The following TMTC2 variants were observed in gnomAD, a reference collection of about 807,000 sequenced individuals.
TMTC2 encodes transmembrane O-mannosyltransferase targeting cadherins 2, also known as protein O-mannosyl-transferase TMTC2.
A neutral mutation model predicts 82.4 loss-of-function variants in TMTC2; 43 were observed. The observed-to-expected ratio is 0.52, with a 90% CI of 0.41 to 0.67. The LOEUF (loss-of-function observed/expected upper bound fraction) is 0.67, where lower values mean the gene tolerates loss of function less well. Among genes scored for constraint, TMTC2 ranks in the 30% least tolerant of loss-of-function variants. TMTC2 has a pLI of 0.00. For synonymous variants in TMTC2, 408 were observed against 381.9 expected (o/e 1.07, Z -0.80); for missense variants, 919 against 1,012.4 (o/e 0.91, Z 1.25).
At chr12:82,717,403 A>AT (rs1026162296) in intron 1 of TMTC2, among the ~76,000 whole-genome samples, 3 of 151,412 alleles carry the variant, frequency 2.0e-5, no homozygotes, top group Non-Finnish European at 4.4e-5. Flanking sequence ...TTTTTATTTT[A>AT]TTTTTTTAGT....
chr12:82,998,967 CA>C (rs764512168), intron 8 of TMTC2, among the ~76,000 whole-genome samples: 5 of 152,144 alleles, frequency 3.3e-5, no homozygotes, highest in Admixed American at 6.5e-5. Context: ...CATATTCCCA[CA>C]CTCAGTTTCC....
rs184313446 is a variant in TMTC2 at position 83,003,392 on chromosome 12, G to A, written c.2070+17346G>A. 3.9e-3 allele frequency among the ~76,000 whole-genome samples: 570 copies of A among 147,892 alleles called. 4 individuals carry two copies. The highest frequency in any genetic ancestry group is 0.015 in the African/African-American group (555 of 37,812). The stretch of plus-strand genomic sequence containing the variant: ...TAACTTGCCTTTCTATGCCTCTTAC[G>A]TGGGGGTGTTTAGATCATTTACATT... On this transcript the variant is annotated intron_variant, in intron 8 of 11. Coordinates refer to ENST00000321196, the MANE Select transcript of TMTC2 (RefSeq NM_152588.3).
In TMTC2 at chr12:82,895,662, G is replaced by A. The variant is rs570808825; in HGVS notation, c.655-156G>A. On this transcript the variant is annotated intron_variant, in intron 2 of 11. Transcript: ENST00000321196. ...TTTGGAGATTAAAATTTCTCTAGGCGTGCTTGAAAGGTGATGGACATGAAG... is the reference window on the plus strand; with the variant it reads ...TTTGGAGATTAAAATTTCTCTAGGCATGCTTGAAAGGTGATGGACATGAAG... 7.2e-5 allele frequency among the ~76,000 whole-genome samples: 11 copies of A among 152,236 alleles called. No individual in the cohort carries two copies. In the South Asian group the frequency reaches 1.5e-3, roughly 20 times the overall value.
At chr12:82,902,387 A>T (rs537591830) in intron 3 of TMTC2, among the ~76,000 whole-genome samples, 1 of 152,154 alleles carries the variant, frequency 6.6e-6, no homozygotes, top group African/African-American at 2.4e-5. Context: ...TGCTCCAGGT[A>T]AGCTCTCCTG....
chr12:82,839,387 C>T (rs1183310087), intron 1 of TMTC2, among the ~76,000 whole-genome samples: 1 of 152,070 alleles, frequency 6.6e-6, no homozygotes, highest in Non-Finnish European at 1.5e-5. Flanking sequence ...CACAGGTGAT[C>T]AGATTTCTGA....
intron 3 of TMTC2, among the ~76,000 whole-genome samples, chr12:82,919,712 A>G (rs1592627937): frequency 1.3e-5 from 2 of 152,220 alleles, no homozygotes; most frequent in East Asian, 1.9e-4. Context: ...ACTAGTCCCT[A>G]CTAAATCCAT....
At chr12:83,015,154 A>G (rs560837438) in intron 8 of TMTC2, among the ~76,000 whole-genome samples, 76 of 152,328 alleles carry the variant, frequency 5.0e-4, no homozygotes, top group African/African-American at 1.8e-3. Flanking sequence ...ATTTAGTATC[A>G]TAGATAATCC....
chr12:82,757,777 T>G (rs900052986), intron 1 of TMTC2, among the ~76,000 whole-genome samples: 8 of 152,220 alleles, frequency 5.3e-5, no homozygotes, highest in African/African-American at 1.9e-4. Flanking sequence ...AGTCAGATTT[T>G]ACATCTTGCA....
In TMTC2 at chr12:82,788,114, C is replaced by T. The variant is rs1031870330; in HGVS notation, c.84-68896C>T. Among the ~76,000 whole-genome samples, 9 of 151,834 alleles carry T rather than the reference C, an allele frequency of 5.9e-5. No homozygotes were observed. In the East Asian group the frequency reaches 9.8e-4, roughly 17 times the overall value. ...ACATTTAAATGATTTCCTTACAAAA[C>T]GACTGTAATGGATTTTCTTTAAAAA... On this transcript the variant is annotated intron_variant, in intron 1 of 11. Coordinates refer to ENST00000321196, the MANE Select transcript of TMTC2 (RefSeq NM_152588.3).
chr12:83,045,374 C>T (rs1008707082), intron 9 of TMTC2, among the ~76,000 whole-genome samples: 1 of 152,054 alleles, frequency 6.6e-6, no homozygotes, highest in African/African-American at 2.4e-5. Flanking sequence ...GTAGTAGCAA[C>T]AGTACACACA....
intron 1 of TMTC2, among the ~76,000 whole-genome samples, chr12:82,790,439 TA>T (rs2137021464): frequency 1.3e-5 from 2 of 152,204 alleles, no homozygotes; most frequent in South Asian, 4.1e-4. Flanking sequence ...TAGCATTTTT[TA>T]AAAAACTATT....
chr12:82,860,703 TTCTTTA>T (rs1349796637), intron 2 of TMTC2, among the ~76,000 whole-genome samples: 2 of 152,252 alleles, frequency 1.3e-5, no homozygotes, highest in Admixed American at 6.5e-5. Flanking sequence ...GAAATTTTGA[TTCTTTA>T]TCTTTTGGCC....
chr12:82,746,953 C>T (rs142016809), intron 1 of TMTC2, among the ~76,000 whole-genome samples: 26 of 152,290 alleles, frequency 1.7e-4, no homozygotes, highest in African/African-American at 6.3e-4. Context: ...ATTTGTCCAA[C>T]AACTTGAATG....
Position 82,965,071 on chromosome 12 carries a change from A to G in TMTC2, c.1646A>G (p.Tyr549Cys). 6.2e-7 allele frequency: 1 copy of G among 1,612,632 alleles called. No individual in the cohort carries two copies. The highest frequency in any genetic ancestry group is 1.3e-5 in the African/African-American group (1 of 74,950). The change falls in exon 5 of 12, where the codon TAT (tyrosine) becomes TGT (cysteine). Residue 549 changes from tyrosine to cysteine, a missense_variant. Physicochemically the swap from Tyr to Cys is radical, Grantham distance 194. Transcript: ENST00000321196. ...ENSRFAEALH[Y>C]YKLAIGSRPT... ...AGCAGGTTTGCAGAAGCACTACATTATTATAAATTGGCCATTGGGAGCAGG... is the reference window on the plus strand; with the variant it reads ...AGCAGGTTTGCAGAAGCACTACATTGTTATAAATTGGCCATTGGGAGCAGG...
chr12:82,850,092 G>A (rs1156986005), intron 1 of TMTC2, among the ~76,000 whole-genome samples: 4 of 151,914 alleles, frequency 2.6e-5, no homozygotes, highest in African/African-American at 9.7e-5. Flanking sequence ...CTACCCACGT[G>A]GACTGAGAAT....
chr12:82,895,632 G>T (rs552745295), intron 2 of TMTC2, among the ~76,000 whole-genome samples, 186 bp from the exon 3 acceptor site: 1 of 152,158 alleles, frequency 6.6e-6, no homozygotes, highest in East Asian at 1.9e-4. Flanking sequence ...TCAGATTCAG[G>T]TTTTTTTGGA....
intron 1 of TMTC2, among the ~76,000 whole-genome samples, chr12:82,843,952 G>A (rs987871663): frequency 2.0e-5 from 3 of 151,952 alleles, no homozygotes; most frequent in African/African-American, 7.3e-5. Context: ...GGTCTTGGGA[G>A]GACAAAAAAG....
At chr12:82,897,453 A>T (rs74106176) in intron 3 of TMTC2, among the ~76,000 whole-genome samples, 3,358 of 152,344 alleles carry the variant, frequency 0.022, 122 homozygotes, top group African/African-American at 0.076. Flanking sequence ...ACAATTACAT[A>T]AAAATAGATG....
At chr12:83,098,658 G>T (rs539539551) in intron 11 of TMTC2, among the ~76,000 whole-genome samples, 1 of 152,134 alleles carries the variant, frequency 6.6e-6, no homozygotes, top group East Asian at 1.9e-4. Flanking sequence ...AAGTTTTATC[G>T]GAAACCAGAT....
Sources: gnomAD v4.1 joint callset for allele counts (sites outside exome capture counted in the v4.1 genomes callset) on GRCh38, gnomAD v4.1.1 for gene constraint, MANE v1.5 for transcripts, NCBI Gene and HGNC (gene_info 2026-07-23, HGNC 2026-07-21) for gene names.